Variants in ME2 observed in about 807,000 individuals in gnomAD.
The protein encoded by ME2 is NAD-dependent malic enzyme, mitochondrial.
Under a neutral mutation model 73.7 loss-of-function variants are expected in ME2, and 60 were observed. That is an observed-to-expected ratio of 0.81 (90% CI 0.66 to 1.01). The LOEUF is 1.01. ME2 is among the 50% of genes least tolerant of loss of function. ME2 has a pLI of 0.00. For synonymous variants in ME2, 199 were observed against 236.9 expected (o/e 0.84, Z 1.47); for missense variants, 594 against 705.5 (o/e 0.84, Z 1.79).
rs745891752 is a variant in ME2, at chr18:50,940,348, G to A, written c.1549G>A (p.Ala517Thr). The A allele has an allele frequency of 1.3e-5, 21 of 1,610,732 alleles. No individual in the cohort carries two copies. In the South Asian group the frequency reaches 1.8e-4, roughly 14 times the overall value. Residue 517 changes from alanine (A) to threonine (T), a missense_variant, in exon 15 of 16, where the codon GCT (alanine) becomes ACT (threonine). Physicochemically the swap from Ala to Thr is moderately conservative, Grantham distance 58. Coordinates refer to ENST00000321341, the MANE Select transcript of ME2 (RefSeq NM_002396.5). The part of the protein sequence containing the change: ...LAQGRLYPPL[A>T]NIQEVSINIA... ...CCAAGGGAGACTTTACCCACCGCTT[G>A]CTAATATTCAGGAAGTTTCTATTAA... is the stretch of plus-strand genomic sequence containing the variant.
chr18:50,937,621 T>C (rs1016386189), intron 13 of ME2, among the ~76,000 whole-genome samples: 1 of 151,966 alleles, frequency 6.6e-6, no homozygotes, highest in Non-Finnish European at 1.5e-5. Flanking sequence ...AGAAGGAAAG[T>C]TTTAAAAATT....
At chr18:50,944,782 C>T (rs1374598077) in intron 15 of ME2, among the ~76,000 whole-genome samples, 1 of 152,134 alleles carries the variant, frequency 6.6e-6, no homozygotes, top group Non-Finnish European at 1.5e-5. Context: ...CCATGCTCTG[C>T]CACAAGTGAG....
intron 10 of ME2, among the ~76,000 whole-genome samples, chr18:50,921,659 T>C (rs1255741637): frequency 6.6e-6 from 1 of 152,140 alleles, no homozygotes; most frequent in East Asian, 1.9e-4. Flanking sequence ...TCGCTGCAAC[T>C]TCTGCCTCCT....
In ME2 at chr18:50,895,874, T is replaced by G. The variant is rs749187952; in HGVS notation, c.54T>G (p.His18Gln). The G allele has an allele frequency of 3.2e-5, 51 of 1,613,716 alleles. No individual in the cohort carries two copies. The African/African-American group carries it at 6.5e-4, about 21-fold the overall frequency. The change falls in exon 2 of 16, where the codon CAT (histidine) becomes CAG (glutamine). Residue 18 changes from histidine to glutamine, a missense_variant. His to Gln is a conservative substitution (Grantham distance 24). Coordinates refer to ENST00000321341, the MANE Select transcript of ME2 (RefSeq NM_002396.5). Reference protein sequence around the residue: ...VSTTCTLACRHLHIKEKGKPL... With the variant: ...VSTTCTLACRQLHIKEKGKPL... ...CCACTTGTACTTTGGCATGTCGACA[T>G]TTGCACATAAAAGAAAAAGGCAAGC... is the stretch of plus-strand genomic sequence containing the variant.
chr18:50,908,962 T>C (rs995783027), intron 3 of ME2, among the ~76,000 whole-genome samples: 33 of 146,388 alleles, frequency 2.3e-4, no homozygotes, highest in South Asian at 4.4e-4. Context: ...TTTTCTTTTT[T>C]TTTTTTTTTG....
rs375078878 is a variant in ME2, at chr18:50,953,638, T to G, written c.*6454T>G. The G allele has an allele frequency of 5.9e-5, 9 of 152,212 alleles. No individual in the cohort carries two copies. The East Asian group carries it at 9.6e-4, about 16-fold the overall frequency. The allele number at this position is 152,212 out of a possible 1,614,324, so 9.4% of individuals were successfully genotyped here. On this transcript the variant is annotated 3_prime_UTR_variant, in exon 16 of 16. Coordinates refer to ENST00000321341, the MANE Select transcript of ME2 (RefSeq NM_002396.5). Reference sequence around the variant, plus strand: ...TGTTAACACTTCTGTGCAAATAAATTTCAGTTGTGCTTATATATTATAATA... The same window carrying G: ...TGTTAACACTTCTGTGCAAATAAATGTCAGTTGTGCTTATATATTATAATA...
At chr18:50,920,024 C>T (rs1410787065) in intron 7 of ME2, among the ~76,000 whole-genome samples, 5 of 152,134 alleles carry the variant, frequency 3.3e-5, no homozygotes, top group African/African-American at 9.7e-5. Context: ...CTCACCTAGA[C>T]GATTAACATC....
chr18:50,921,294 A>C (rs1917421798), intron 10 of ME2, 107 bp downstream of exon 10: 1 of 563,850 alleles, frequency 1.8e-6, no homozygotes, highest in Middle Eastern at 4.5e-4. Flanking sequence ...TCTCCAAATT[A>C]TACCAATTGG....
chr18:50,897,729 G>A (rs1161916989), intron 2 of ME2, among the ~76,000 whole-genome samples: 1 of 151,444 alleles, frequency 6.6e-6, no homozygotes, highest in Non-Finnish European at 1.5e-5. Flanking sequence ...GTGTGGTGGA[G>A]CATGCCTATA....
intron 4 of ME2, 69 bp downstream of exon 4, chr18:50,913,019 A>G: frequency 7.6e-7 from 1 of 1,314,244 alleles, no homozygotes; most frequent in Non-Finnish European, 1.0e-6. Context: ...CATAACACCC[A>G]TTACATTTCT....
At chr18:50,896,054 A>G (rs1400184764) in intron 2 of ME2, 126 bp downstream of exon 2, 4 of 651,960 alleles carry the variant, frequency 6.1e-6, no homozygotes, top group East Asian at 3.0e-5. Flanking sequence ...AGTTGTTTAC[A>G]TGAAATTTTC....
chr18:50,917,468 G>C lies in ME2; in HGVS notation c.590G>C (p.Arg197Thr). Residue 197 changes from arginine to threonine, a missense_variant, in exon 6 of 16, where the codon AGA (arginine) becomes ACA (threonine). Coordinates refer to ENST00000321341, the MANE Select transcript of ME2 (RefSeq NM_002396.5). ...GCTTGTGCAGGAATACGGCCTGATA[G>C]ATGCCTGCCAGTGTGTATTGATGTG... ...YTACAGIRPD[R>T]CLPVCIDVGT... is the part of the protein sequence containing the mutation. 1.2e-6 allele frequency: 2 copies of C among 1,613,276 alleles called. No homozygotes were observed. The highest frequency in any genetic ancestry group is 8.5e-7 in the Non-Finnish European group (1 of 1,179,386).
At chr18:50,894,557 G>A (rs1410596769) in intron 1 of ME2, among the ~76,000 whole-genome samples, 4 of 131,996 alleles carry the variant, frequency 3.0e-5, no homozygotes, top group African/African-American at 1.2e-4. Context: ...GACAGAAAGA[G>A]ACTCCATCTC....
At chr18:50,902,052 A>G (rs1326988473) in intron 2 of ME2, among the ~76,000 whole-genome samples, 5 of 152,212 alleles carry the variant, frequency 3.3e-5, no homozygotes, top group Non-Finnish European at 7.3e-5. Context: ...AAATATCCTA[A>G]TGGACTCTAT....
chr18:50,885,699 T>C (rs1266859187), intron 1 of ME2, among the ~76,000 whole-genome samples: 1 of 152,104 alleles, frequency 6.6e-6, no homozygotes, highest in African/African-American at 2.4e-5. Flanking sequence ...ACTGTGCTGC[T>C]ATAATTAACA....
At chr18:50,925,019 C>T (rs1395547678) in intron 11 of ME2, among the ~76,000 whole-genome samples, 1 of 152,044 alleles carries the variant, frequency 6.6e-6, no homozygotes, top group Non-Finnish European at 1.5e-5. Flanking sequence ...TAACAACCAC[C>T]ATTCTACTTT....
At chr18:50,946,648 C>G (rs1266764519) in intron 15 of ME2, among the ~76,000 whole-genome samples, 1 of 152,134 alleles carries the variant, frequency 6.6e-6, no homozygotes, top group East Asian at 1.9e-4. Flanking sequence ...AATTCTAGAG[C>G]AGAAACCTCT....
At chr18:50,896,066 C>T (rs1916736723) in intron 2 of ME2, 138 bp downstream of exon 2, 12 of 600,948 alleles carry the variant, frequency 2.0e-5, no homozygotes, top group South Asian at 4.6e-5. Context: ...GAAATTTTCA[C>T]GCTTCTCCAC....
In ME2 at chr18:50,946,408, T is replaced by G. The variant is rs117546604; in HGVS notation, c.1588-609T>G. On this transcript the variant is annotated intron_variant, in intron 15 of 15. Transcript: ENST00000321341. ...CAAGTAACTACCTTGGGCAAGTTAC[T>G]TAAACTCCTCTCATTCCTCATATGC... is the stretch of plus-strand genomic sequence containing the variant. Among the ~76,000 whole-genome samples the G allele has an allele frequency of 7.3e-4, 111 of 152,328 alleles. 2 individuals carry two copies. The East Asian group carries it at 0.021, about 28-fold the overall frequency.
Sources: allele counts gnomAD v4.1 joint callset (sites outside exome capture counted in the v4.1 genomes callset), GRCh38; gene constraint gnomAD v4.1.1; transcripts MANE v1.5; gene names NCBI Gene and HGNC (gene_info 2026-07-23, HGNC 2026-07-21).